Variants in NR4A3 observed in about 807,000 individuals in gnomAD.
NR4A3 encodes the protein nuclear receptor subfamily 4 group A member 3, also known as chondrosarcoma, extraskeletal myxoid, fused to EWS.
NR4A3 carries 13 observed loss-of-function variants against 55.6 expected under a neutral mutation model. That is an observed-to-expected ratio of 0.23 (90% CI 0.15 to 0.37). The LOEUF (loss-of-function observed/expected upper bound fraction) is 0.37. Among genes scored for constraint, NR4A3 ranks in the 10% least tolerant of loss-of-function variants. NR4A3 has a pLI of 1.00. For synonymous variants in NR4A3, 342 were observed against 357.9 expected (o/e 0.96, Z 0.50); for missense variants, 646 against 822.8 (o/e 0.79, Z 2.63).
intron 5 of NR4A3, among the ~76,000 whole-genome samples, chr9:99,837,869 G>A (rs750133691): frequency 3.5e-4 from 54 of 152,162 alleles, no homozygotes; most frequent in Non-Finnish European, 7.1e-4. Flanking sequence ...GTTCCTTTAA[G>A]GTAGTAAGTG....
intron 5 of NR4A3, 139 bp downstream of exon 5, chr9:99,833,593 CATTTAGCA>C (rs2118540220): frequency 6.2e-7 from 1 of 1,602,616 alleles, no homozygotes; most frequent in East Asian, 2.2e-5. Flanking sequence ...TTTCTCGCTT[CATTTAGCA>C]ATTCAGTGCA....
intron 3 of NR4A3, 52 bp from the exon 4 acceptor site, chr9:99,832,637 C>A: frequency 6.9e-7 from 1 of 1,454,004 alleles, no homozygotes; most frequent in Non-Finnish European, 9.3e-7. Flanking sequence ...TTGTCAGGTC[C>A]TACCTCTTTC....
chr9:99,849,372 T>G (rs760013809), intron 7 of NR4A3, among the ~76,000 whole-genome samples: 8 of 151,884 alleles, frequency 5.3e-5, no homozygotes, highest in Non-Finnish European at 1.2e-4. Context: ...TTTTTTTTAA[T>G]GGGGCTGCTA....
chr9:99,833,688 T>C, intron 5 of NR4A3: 1 of 1,553,378 alleles, frequency 6.4e-7, no homozygotes, highest in Non-Finnish European at 8.7e-7. Flanking sequence ...GCTGCACCTG[T>C]CATACACATT....
chr9:99,865,349 ATG>A lies in NR4A3; in HGVS notation c.*1486_*1487del. ...AGCAGGTTACATATATATATTTATA[ATG>A]TGTCTTTTTATTAACCATTTGTACA... On this transcript the variant is annotated 3_prime_UTR_variant, in exon 8 of 8. Transcript: ENST00000395097. This position sits in a 1 kb window ranked among gnomAD's most constrained non-coding sequence, Gnocchi z 4.3. 1 of 174,298 alleles carries A rather than the reference ATG, an allele frequency of 5.7e-6. No homozygotes were observed. Among genetic ancestry groups the A allele is most frequent in the East Asian group, 1.0e-4 (1 of 9,912 alleles). The allele number at this position is 174,298 out of a possible 1,614,324, so 10.8% of individuals were successfully genotyped here.
At chr9:99,844,596 C>A in intron 5 of NR4A3, 53 bp from the exon 6 acceptor site, 1 of 1,459,832 alleles carries the variant, frequency 6.9e-7, no homozygotes, top group Non-Finnish European at 9.6e-7. Flanking sequence ...GCAAGTGATG[C>A]CATCATCCCC....
At position 99,822,660 on chromosome 9, in the gene NR4A3, AGAG is replaced by A. The variant is rs1393381048; in HGVS notation, c.-177+259_-177+261del. 7.2e-5 allele frequency among the ~76,000 whole-genome samples: 11 copies of A among 152,110 alleles called. No individual in the cohort carries two copies. The East Asian group carries it at 1.5e-3, about 21-fold the overall frequency. On this transcript the variant is annotated intron_variant, in intron 1 of 7. Transcript: ENST00000395097. This position sits in a 1 kb window ranked among gnomAD's most constrained non-coding sequence, Gnocchi z 4.9. ...CGAAGAGGCGAAAAGCCTCTAACAA[AGAG>A]GAGGACCGGGATTTGTGCTATAGCG...
intron 7 of NR4A3, among the ~76,000 whole-genome samples, chr9:99,856,016 A>G (rs1166633188): frequency 9.9e-5 from 15 of 152,238 alleles, no homozygotes; most frequent in Admixed American, 9.8e-4. Context: ...TGGGAACTAC[A>G]TATAGCAGCG....
At chr9:99,823,230 TTTACTC>T (rs1015983558) in intron 1 of NR4A3, among the ~76,000 whole-genome samples, 7 of 152,086 alleles carry the variant, frequency 4.6e-5, no homozygotes, top group East Asian at 1.9e-4. Context: ...CTCCGAGTGT[TTTACTC>T]TTAGTAGAAA....
chr9:99,824,905 C>A (rs1039389230), intron 1 of NR4A3, among the ~76,000 whole-genome samples: 5 of 152,182 alleles, frequency 3.3e-5, no homozygotes, highest in Non-Finnish European at 4.4e-5. Context: ...CCAGGAGCCT[C>A]CAAGCCGCCC....
intron 7 of NR4A3, 124 bp from the exon 8 acceptor site, chr9:99,863,496 G>T (rs1381355521): frequency 3.5e-6 from 4 of 1,146,562 alleles, no homozygotes; most frequent in Non-Finnish European, 5.0e-6. Flanking sequence ...AACAGGGAGG[G>T]CACTTTGATT....
chr9:99,853,561 G>A (rs1217421072), intron 7 of NR4A3, among the ~76,000 whole-genome samples: 4 of 67,420 alleles, frequency 5.9e-5, no homozygotes, highest in African/African-American at 2.3e-4. Flanking sequence ...TCCCACCTAT[G>A]AGTGAGAATA....
intron 7 of NR4A3, among the ~76,000 whole-genome samples, chr9:99,861,833 G>T (rs1251249942): frequency 1.3e-5 from 2 of 152,190 alleles, no homozygotes; most frequent in African/African-American, 4.8e-5. Flanking sequence ...GCTCATGCCT[G>T]TAATTTCAGT....
chr9:99,824,982 C>T (rs938991776), intron 1 of NR4A3, among the ~76,000 whole-genome samples: 1 of 152,210 alleles, frequency 6.6e-6, no homozygotes, highest in African/African-American at 2.4e-5. Flanking sequence ...GCCGCTAACG[C>T]CGTCCGCTTC....
chr9:99,840,946 G>A (rs1176905865), intron 5 of NR4A3, among the ~76,000 whole-genome samples: 5 of 152,144 alleles, frequency 3.3e-5, no homozygotes, highest in African/African-American at 9.7e-5. Flanking sequence ...AAGAGTCTGT[G>A]TGCTGGTGGG....
chr9:99,859,440 A>G (rs1827975625), intron 7 of NR4A3, among the ~76,000 whole-genome samples: 1 of 152,230 alleles, frequency 6.6e-6, no homozygotes, highest in Non-Finnish European at 1.5e-5. Context: ...AGTAGTTTGC[A>G]TGGAGACTGA....
Position 99,828,638 on chromosome 9 carries a change from A to G in NR4A3, c.596A>G (p.His199Arg). ...TTCCACTTCAAGCCCTCGCCGCCGC[A>G]TCCCCCCGCGCCCAGCCCGGCCGGC... ...PLFHFKPSPP[H>R]PPAPSPAGGH... Residue 199 changes from histidine to arginine, a missense_variant, in exon 3 of 8, where the codon CAT (histidine) becomes CGT (arginine). By Grantham distance (29) the His-to-Arg change is conservative. This residue lies in a region of NR4A3 where 426 missense variants were observed against 429.4 expected (regional missense o/e 0.99). Transcript: ENST00000395097. The surrounding 1 kb of genome is among the most constrained non-coding windows in gnomAD (Gnocchi z 7.7). 6.8e-7 allele frequency: 1 copy of G among 1,467,892 alleles called. No individual in the cohort carries two copies. The highest frequency in any genetic ancestry group is 8.9e-7 in the Non-Finnish European group (1 of 1,119,188). The allele number at this position is 1,467,892 out of a possible 1,614,324, so 90.9% of individuals were successfully genotyped here.
intron 7 of NR4A3, among the ~76,000 whole-genome samples, chr9:99,857,855 G>A (rs1827953711): frequency 6.6e-6 from 1 of 152,140 alleles, no homozygotes; most frequent in Admixed American, 6.6e-5. Flanking sequence ...GATGTGGTAG[G>A]TTTTAGAGTT....
intron 2 of NR4A3, chr9:99,826,926 CA>C: frequency 1.1e-5 from 9 of 803,360 alleles, no homozygotes; most frequent in Non-Finnish European, 1.8e-5. Context: ...AACCAACCAC[CA>C]AAAACCGCCG....
Sources: gnomAD v4.1 joint callset for allele counts (sites outside exome capture counted in the v4.1 genomes callset) on GRCh38, gnomAD v4.1.1 for gene constraint, gnomAD v4.1.1 regional missense constraint, Gnocchi (gnomAD v3.1) non-coding constraint, MANE v1.5 for transcripts, NCBI Gene and HGNC (gene_info 2026-07-23, HGNC 2026-07-21) for gene names.